The following AFAP1 variants were observed in gnomAD, a reference collection of about 807,000 sequenced individuals.
AFAP1 encodes the protein actin filament associated protein 1, also known as actin filament-associated protein 1.
AFAP1 carries 75 observed loss-of-function variants against 93.9 expected under a neutral mutation model. That is an observed-to-expected ratio of 0.80 (90% CI 0.66 to 0.97). The LOEUF is 0.97. AFAP1 is among the 50% of genes least tolerant of loss of function. The pLI, the probability that AFAP1 is intolerant of heterozygous loss-of-function variation, is 0.00. For synonymous variants in AFAP1, 517 were observed against 430.7 expected, an observed-to-expected ratio of 1.20 and a Z score of -2.48; for missense variants, 1,201 against 1,050.8, an observed-to-expected ratio of 1.14 and a Z score of -1.98.
chr4:7,877,226 G>A (rs1203457686), intron 1 of AFAP1, among the ~76,000 whole-genome samples: 1 of 152,204 alleles, frequency 6.6e-6, no homozygotes, highest in Non-Finnish European at 1.5e-5. Flanking sequence ...CAGAAAGCAT[G>A]CAAAGGTTTT....
chr4:7,899,885 A>AAAT (rs1560227070), intron 1 of AFAP1, among the ~76,000 whole-genome samples: 3 of 103,592 alleles, frequency 2.9e-5, no homozygotes, highest in African/African-American at 1.0e-4. Flanking sequence ...AATAAATAAA[A>AAAT]AAGGAAGGGG....
At chr4:7,774,608 G>A in intron 15 of AFAP1, 131 bp downstream of exon 15, 1 of 1,323,986 alleles carries the variant, frequency 7.6e-7, no homozygotes, top group Non-Finnish European at 1.0e-6. Flanking sequence ...AAGAAACACT[G>A]TGAGATAACC....
chr4:7,841,620 A>G (rs1464928238), intron 5 of AFAP1, among the ~76,000 whole-genome samples: 1 of 152,176 alleles, frequency 6.6e-6, no homozygotes, highest in African/African-American at 2.4e-5. Flanking sequence ...ATTTGCTTTG[A>G]TCACTGTTCA....
intron 1 of AFAP1, among the ~76,000 whole-genome samples, chr4:7,911,370 C>G (rs558943327): frequency 6.6e-6 from 1 of 152,306 alleles, no homozygotes; most frequent in Admixed American, 6.5e-5. Context: ...TGTACTGACC[C>G]GGGCCTCGCC....
chr4:7,781,268 C>T, intron 13 of AFAP1, 108 bp downstream of exon 13: 1 of 1,349,170 alleles, frequency 7.4e-7, no homozygotes. Flanking sequence ...AAAAAAAACA[C>T]ATTATGCTTT....
intron 6 of AFAP1, among the ~76,000 whole-genome samples, chr4:7,834,528 T>A (rs1050341877): frequency 6.6e-6 from 1 of 152,162 alleles, no homozygotes; most frequent in Non-Finnish European, 1.5e-5. Context: ...AAAATTTTTT[T>A]CAAAAAAAAG....
intron 3 of AFAP1, among the ~76,000 whole-genome samples, chr4:7,857,217 T>C (rs867748658): frequency 6.6e-6 from 1 of 152,194 alleles, no homozygotes; most frequent in African/African-American, 2.4e-5. Flanking sequence ...AAAAAGGTTC[T>C]ATTGAAAGTA....
At chr4:7,801,346 G>A (rs539004276) in intron 9 of AFAP1, among the ~76,000 whole-genome samples, 12 of 152,004 alleles carry the variant, frequency 7.9e-5, no homozygotes, top group Non-Finnish European at 1.2e-4. Flanking sequence ...GAAAGTTTGT[G>A]ATCCGTGTCT....
At chr4:7,868,795 C>T in intron 2 of AFAP1, 76 bp from the exon 3 acceptor site, 1 of 1,286,986 alleles carries the variant, frequency 7.8e-7, no homozygotes, top group Non-Finnish European at 1.1e-6. Flanking sequence ...CTATCAGTTC[C>T]TGAACCCTGT....
Position 7,768,986 on chromosome 4 carries a change from G to T in AFAP1, c.2276C>A (p.Thr759Asn), listed in dbSNP as rs1190322798. ...GCTGGAGATGGGCGAGTTTTCCAGG[G>T]TCCGGTGCCGGAACACTGGAGACTT... Reference protein sequence around the residue: ...SPQSPVFRHRTLENSPISSCD... With the variant: ...SPQSPVFRHRNLENSPISSCD... The change falls in exon 17 of 18, where the codon ACC becomes AAC. Residue 759 changes from threonine (T) to asparagine (N), a missense_variant. Coordinates refer to ENST00000420658, the MANE Select transcript of AFAP1 (RefSeq NM_001134647.2). 6.2e-7 allele frequency: 1 copy of T among 1,612,984 alleles called. No individual in the cohort carries two copies. The highest frequency in any genetic ancestry group is 1.7e-5 in the Admixed American group (1 of 59,972).
At chr4:7,826,579 T>C (rs1209045087) in intron 6 of AFAP1, among the ~76,000 whole-genome samples, 2 of 152,282 alleles carry the variant, frequency 1.3e-5, no homozygotes, top group African/African-American at 2.4e-5. Context: ...TTTAGAAAGC[T>C]GGCACTTGTC....
intron 4 of AFAP1, among the ~76,000 whole-genome samples, chr4:7,844,055 TAA>T (rs903125446): frequency 2.8e-4 from 42 of 152,270 alleles, no homozygotes; most frequent in African/African-American, 9.6e-4. Context: ...CTTTGCCTGG[TAA>T]ATGCTCTCAT....
At chr4:7,920,171 T>C (rs1720363616) in intron 1 of AFAP1, among the ~76,000 whole-genome samples, 1 of 152,228 alleles carries the variant, frequency 6.6e-6, no homozygotes, top group Non-Finnish European at 1.5e-5. Flanking sequence ...ATGGGATTGC[T>C]GAGTCAAATG....
At position 7,935,143 on chromosome 4, in the gene AFAP1, T is replaced by C. The variant is rs142445142; in HGVS notation, c.-3+4513A>G. On this transcript the variant is annotated intron_variant, in intron 1 of 17. Coordinates refer to ENST00000420658, the MANE Select transcript of AFAP1 (RefSeq NM_001134647.2). ...AAACTCAGATTCATTCCATTCTTAA[T>C]GGGTTTTTTTTTAAATCTTAGGTAA... Among the ~76,000 whole-genome samples, 20 of 152,346 alleles carry C rather than the reference T, an allele frequency of 1.3e-4. No individual in the cohort carries two copies. The East Asian group carries it at 3.8e-3, about 29-fold the overall frequency.
intron 8 of AFAP1, among the ~76,000 whole-genome samples, chr4:7,811,312 C>A (rs1302069494): frequency 6.6e-6 from 1 of 152,046 alleles, no homozygotes; most frequent in Non-Finnish European, 1.5e-5. Flanking sequence ...CTCCCTCCCA[C>A]CCCCACCGCA....
intron 8 of AFAP1, among the ~76,000 whole-genome samples, chr4:7,815,738 G>T (rs1385049893): frequency 6.6e-6 from 1 of 152,170 alleles, no homozygotes; most frequent in Non-Finnish European, 1.5e-5. Context: ...ATAACCAGCT[G>T]TGAGTCATAA....
intron 1 of AFAP1, 79 bp from the exon 2 acceptor site, chr4:7,872,159 A>G: frequency 6.5e-7 from 1 of 1,548,264 alleles, no homozygotes; most frequent in East Asian, 2.3e-5. Context: ...TCTTACTCGA[A>G]GCATTTCATG....
chr4:7,795,677 G>A (rs540226155), intron 10 of AFAP1, among the ~76,000 whole-genome samples: 66 of 151,658 alleles, frequency 4.4e-4, no homozygotes, highest in African/African-American at 1.5e-3. Flanking sequence ...TGCCCACCTC[G>A]GCCTCCCAAA....
At chr4:7,864,942 C>A (rs1445112991) in intron 3 of AFAP1, among the ~76,000 whole-genome samples, 1 of 152,004 alleles carries the variant, frequency 6.6e-6, no homozygotes, top group African/African-American at 2.4e-5. Flanking sequence ...CGTGCCACTG[C>A]ACTCCAGCCT....
Sources: gnomAD v4.1 joint callset for allele counts (sites outside exome capture counted in the v4.1 genomes callset) on GRCh38, gnomAD v4.1.1 for gene constraint, MANE v1.5 for transcripts, NCBI Gene and HGNC (gene_info 2026-07-23, HGNC 2026-07-21) for gene names.